The following HEXD variants were observed in gnomAD, a reference collection of about 807,000 sequenced individuals.
HEXD encodes the protein hexosaminidase D.
A neutral mutation model predicts 54.2 loss-of-function variants in HEXD; 47 were observed. The ratio of observed to expected loss-of-function variants is 0.87; its 90% CI spans 0.69 to 1.11. The LOEUF is 1.11. HEXD is among the 50% of genes least tolerant of loss of function. The pLI, the probability that HEXD is intolerant of heterozygous loss-of-function variation, is 0.00. For synonymous variants in HEXD, 293 were observed against 287.6 expected, an observed-to-expected ratio of 1.02 and a Z score of -0.19; for missense variants, 576 against 649.2, an observed-to-expected ratio of 0.89 and a Z score of 1.23.
At chr17:82,439,890 T>C in intron 9 of HEXD, 177 bp downstream of exon 9, 2 of 1,531,710 alleles carry the variant, frequency 1.3e-6, no homozygotes, top group Non-Finnish European at 1.7e-6. Flanking sequence ...CCACCCAGGC[T>C]GGGCCTGTGT....
At position 82,434,004 on chromosome 17, in the gene HEXD, C is replaced by T. The variant is rs1182020809; in HGVS notation, c.447+182C>T. ...CTGGCACGGGACAGCCTGCGGAGCC[C>T]GAGGGAGGCACCCTCGTGTCAGACG... On this transcript the variant is annotated intron_variant, in intron 5 of 12. Transcript: ENST00000327949. This position sits in a 1 kb window ranked among gnomAD's most constrained non-coding sequence, Gnocchi z 4.5. Among the ~76,000 whole-genome samples the T allele has an allele frequency of 1.3e-5, 2 of 151,828 alleles. No homozygotes were observed. Among genetic ancestry groups the T allele is most frequent in the African/African-American group, 4.8e-5 (2 of 41,338 alleles).
chr17:82,441,888 A>G lies in HEXD; in HGVS notation c.1252A>G (p.Ser418Gly), dbSNP rs1208745397. ...TCAGCACATCCAGCCCGCAGCGCTC[A>G]GGTGAGGCCCTGGGCTCTTATAGGC... ...MVQHIQPAAL[S>G]LLAQWSTLVQ... Residue 418 changes from serine (S) to glycine (G), a missense_variant and splice_region_variant, in exon 12 of 13, where the codon AGC becomes GGC. Physicochemically the swap from Ser to Gly is moderately conservative, Grantham distance 56. Coordinates refer to ENST00000327949, the MANE Select transcript of HEXD (RefSeq NM_001330542.2). 5 of 1,613,014 alleles carry G rather than the reference A, an allele frequency of 3.1e-6. No homozygotes were observed. Among genetic ancestry groups the G allele is most frequent in the Non-Finnish European group, 4.2e-6 (5 of 1,179,874 alleles).
rs370012001 is a variant in HEXD, at chr17:82,428,667, T to C, written c.282+22T>C. ...GGAGGTGAGTGGCAGAAATGGAAGTTACCTGGTGCCAGGTGTGGGGTCCAG... is the reference window on the plus strand; with the variant it reads ...GGAGGTGAGTGGCAGAAATGGAAGTCACCTGGTGCCAGGTGTGGGGTCCAG... On this transcript the variant is annotated intron_variant, in intron 4 of 12. Coordinates refer to ENST00000327949, the MANE Select transcript of HEXD (RefSeq NM_001330542.2). The C allele has an allele frequency of 8.7e-6, 14 of 1,602,156 alleles. No individual in the cohort carries two copies. The African/African-American group carries it at 1.5e-4, about 17-fold the overall frequency.
rs1275140149 is a variant in HEXD at position 82,434,148 on chromosome 17, T to G, written c.447+326T>G. Among the ~76,000 whole-genome samples, 1 of 152,210 alleles carries G rather than the reference T, an allele frequency of 6.6e-6. No homozygotes were observed. Among genetic ancestry groups the G allele is most frequent in the Admixed American group, 6.5e-5 (1 of 15,288 alleles). ...GGGCGGCTGGGCTGGCGGAAGCCTG[T>G]GGGTGATGGGCAGGTTCACGCCCCA... is the stretch of plus-strand genomic sequence containing the variant. On this transcript the variant is annotated intron_variant, in intron 5 of 12. Transcript: ENST00000327949. This position sits in a 1 kb window ranked among gnomAD's most constrained non-coding sequence, Gnocchi z 4.5.
rs575814893 is a variant in HEXD, at chr17:82,428,539, A to C, written c.195-19A>C. The stretch of plus-strand genomic sequence containing the variant: ...GTGCTGCTCACATGACCCTCTCTCT[A>C]TGAATTTTGTCTCTCCAGCCCCTCT... On this transcript the variant is annotated intron_variant, in intron 3 of 12. Transcript: ENST00000327949. 41 of 1,610,142 alleles carry C rather than the reference A, an allele frequency of 2.5e-5. No individual in the cohort carries two copies. The East Asian group carries it at 8.3e-4, about 32-fold the overall frequency.
chr17:82,435,875 C>T lies in HEXD; in HGVS notation c.631+3C>T, dbSNP rs199696236. On this transcript the variant is annotated splice_donor_region_variant and intron_variant, in intron 6 of 12. Transcript: ENST00000327949. ...CCTGCCTGAGGACCAGCTCGCAGGTCGGCCAACAGGGCTGGGGGAGGGGGT... is the reference window on the plus strand; with the variant it reads ...CCTGCCTGAGGACCAGCTCGCAGGTTGGCCAACAGGGCTGGGGGAGGGGGT... The T allele has an allele frequency of 1.2e-4, 193 of 1,601,738 alleles. 1 individual carries two copies. In the African/African-American group the frequency reaches 2.1e-3, roughly 18 times the overall value.
At chr17:82,432,361 G>A (rs1221153163) in intron 4 of HEXD, among the ~76,000 whole-genome samples, 5 of 152,118 alleles carry the variant, frequency 3.3e-5, no homozygotes, top group South Asian at 2.1e-4. Flanking sequence ...TCTGGCAAGC[G>A]GAAGACAGGG....
chr17:82,441,585 AG>A (rs910181101), intron 11 of HEXD, among the ~76,000 whole-genome samples: 2 of 135,210 alleles, frequency 1.5e-5, no homozygotes, highest in African/African-American at 5.7e-5. Context: ...GGTGTGGGTG[AG>A]GGGGGTAGGG....
In HEXD at chr17:82,433,122, ATATATATTTTTTTTTTTTTTT is replaced by A. The variant is rs1426518322; in HGVS notation, c.283-528_283-508del. On this transcript the variant is annotated intron_variant, in intron 4 of 12. Transcript: ENST00000327949. ...TATATATATATATATATATATATAT[ATATATATTTTTTTTTTTTTTT>A]TATATATATATTTTTAGTCTGGGCG... Among the ~76,000 whole-genome samples the A allele has an allele frequency of 6.3e-3, 110 of 17,416 alleles. 5 individuals carry two copies. The highest frequency in any genetic ancestry group is 0.015 in the African/African-American group (32 of 2,110). The allele number at this position is 17,416 out of a possible 152,430, so 11.4% of individuals were successfully genotyped here.
chr17:82,435,737 G>C lies in HEXD; in HGVS notation c.496G>C (p.Glu166Gln), dbSNP rs2053741967. Residue 166 changes from glutamate (E) to glutamine (Q), a missense_variant, in exon 6 of 13, where the codon GAG (glutamate) becomes CAG (glutamine). Coordinates refer to ENST00000327949, the MANE Select transcript of HEXD (RefSeq NM_001330542.2). ...GEASRRWLQQ[E>Q]QNSTGKLCLS... ...GGCCTCGCGCCGGTGGCTACAGCAA[G>C]AGCAGAACAGCACGGGGAAGTTGTG... 1 of 1,613,034 alleles carries C rather than the reference G, an allele frequency of 6.2e-7. No individual in the cohort carries two copies. Among genetic ancestry groups the C allele is most frequent in the East Asian group, 2.2e-5 (1 of 44,882 alleles).
At chr17:82,429,560 G>A (rs6502110) in intron 4 of HEXD, among the ~76,000 whole-genome samples, 89 of 151,946 alleles carry the variant, frequency 5.9e-4, no homozygotes, top group African/African-American at 2.1e-3. Flanking sequence ...CTCCTGCCAC[G>A]TATCCACAGA....
rs1362055564 is a variant in HEXD at position 82,442,375 on chromosome 17, G to A, written c.1452G>A (p.Gln484=). 17 of 1,610,138 alleles carry A rather than the reference G, an allele frequency of 1.1e-5. No homozygotes were observed. The highest frequency in any genetic ancestry group is 1.3e-5 in the Non-Finnish European group (15 of 1,178,040). Residue 484 remains glutamine (Q), a synonymous_variant, in exon 13 of 13, where the codon CAG becomes CAA. Transcript: ENST00000327949. This position sits in a 1 kb window ranked among gnomAD's most constrained non-coding sequence, Gnocchi z 6.8. ...PPTSPGRDVA[Q]DP ...CCAGCCCTGGCAGGGACGTTGCTCA[G>A]GACCCCTGAGGGGAGAGCTCATGCC...
intron 3 of HEXD, among the ~76,000 whole-genome samples, chr17:82,427,801 T>C (rs1188011077): frequency 6.6e-6 from 1 of 152,192 alleles, no homozygotes; most frequent in African/African-American, 2.4e-5. Context: ...AATTCATAAA[T>C]GACAGCTCAT....
intron 2 of HEXD, chr17:82,420,246 G>A (rs1248100377): frequency 6.2e-6 from 1 of 161,374 alleles, no homozygotes; most frequent in African/African-American, 2.4e-5. Flanking sequence ...ATAAGATGAA[G>A]TTGTACTAGA....
At position 82,436,657 on chromosome 17, in the gene HEXD, C is replaced by G. The variant is rs755200573; in HGVS notation, c.632-10C>G. 3 of 1,607,090 alleles carry G rather than the reference C, an allele frequency of 1.9e-6. No individual in the cohort carries two copies. The highest frequency in any genetic ancestry group is 2.5e-6 in the Non-Finnish European group (3 of 1,178,260). ...GTGTCTCACCAACCTCACGTCCGCT[C>G]TGTCTGCAGCGTCCGGGGTGCCGCA... On this transcript the variant is annotated splice_polypyrimidine_tract_variant and intron_variant, in intron 6 of 12. Coordinates refer to ENST00000327949, the MANE Select transcript of HEXD (RefSeq NM_001330542.2).
chr17:82,428,341 C>A (rs980624213), intron 3 of HEXD, among the ~76,000 whole-genome samples: 1 of 152,100 alleles, frequency 6.6e-6, no homozygotes, highest in African/African-American at 2.4e-5. Context: ...GGTTGAAAAG[C>A]GAACCATTAC....
chr17:82,422,258 C>G (rs561484962), intron 2 of HEXD, among the ~76,000 whole-genome samples: 1 of 151,988 alleles, frequency 6.6e-6, no homozygotes, highest in South Asian at 2.1e-4. Flanking sequence ...GCAGGAAACA[C>G]TGTTCCATAA....
chr17:82,432,869 C>T (rs896150377), intron 4 of HEXD, among the ~76,000 whole-genome samples: 5 of 146,460 alleles, frequency 3.4e-5, no homozygotes, highest in Admixed American at 6.8e-5. Flanking sequence ...CGAGACCATC[C>T]TGGCTAACAC....
Position 82,441,067 on chromosome 17 carries a change from C to T in HEXD, c.1053C>T (p.Asp351=), listed in dbSNP as rs1443028100. ...GGATTTCCAGCCTGGAAAAAACGGA[C>T]CCTGTTAGGCAAGCACCCTGCAGCC... The part of the protein sequence containing the change: ...LLGISSLEKT[D]PVREGAGSFP... Residue 351 remains aspartate, a synonymous_variant, in exon 10 of 13, where the codon GAC becomes GAT. Transcript: ENST00000327949. 2 of 1,613,488 alleles carry T rather than the reference C, an allele frequency of 1.2e-6. No homozygotes were observed. The highest frequency in any genetic ancestry group is 1.7e-5 in the Admixed American group (1 of 60,006).
Sources: gnomAD v4.1 joint callset for allele counts (sites outside exome capture counted in the v4.1 genomes callset) on GRCh38, gnomAD v4.1.1 for gene constraint, Gnocchi (gnomAD v3.1) non-coding constraint, MANE v1.5 for transcripts, NCBI Gene and HGNC (gene_info 2026-07-23, HGNC 2026-07-21) for gene names.